Variants in SLC30A7 observed in about 807,000 individuals in gnomAD.
The protein encoded by SLC30A7 is solute carrier family 30 member 7, also known as zinc transporter 7.
A neutral mutation model predicts 46.0 loss-of-function variants in SLC30A7; 35 were observed. The ratio of observed to expected loss-of-function variants is 0.76; its 90% CI spans 0.58 to 1.01. The LOEUF is 1.01. Among genes scored for constraint, SLC30A7 ranks in the 50% least tolerant of loss-of-function variants. The probability of loss-of-function intolerance (pLI) is 0.00; values close to 1 mark genes in which losing one functional copy is unlikely to be tolerated. For missense variants in SLC30A7, 464 were observed against 451.1 expected, an observed-to-expected ratio of 1.03 and a Z score of -0.26; for synonymous variants, 147 against 157.8, an observed-to-expected ratio of 0.93 and a Z score of 0.51.
chr1:100,903,960 TTAA>T (rs1183426834), intron 2 of SLC30A7, among the ~76,000 whole-genome samples: 1 of 152,050 alleles, frequency 6.6e-6, no homozygotes, highest in African/African-American at 2.4e-5. Flanking sequence ...TAGTTAATAA[TTAA>T]TAATGTGATT....
chr1:100,913,647 A>C lies in SLC30A7; in HGVS notation c.512-16A>C. 6.2e-7 allele frequency: 1 copy of C among 1,600,146 alleles called. No homozygotes were observed. Among genetic ancestry groups the C allele is most frequent in the Non-Finnish European group, 8.6e-7 (1 of 1,167,438 alleles). ...ATATTTTTACATACCTTCTGTCCTAACACTTTGTTTTCTAGGCCACGGACA... is the reference window on the plus strand; with the variant it reads ...ATATTTTTACATACCTTCTGTCCTACCACTTTGTTTTCTAGGCCACGGACA... On this transcript the variant is annotated splice_polypyrimidine_tract_variant and intron_variant, in intron 5 of 10. Coordinates refer to ENST00000357650, the MANE Select transcript of SLC30A7 (RefSeq NM_133496.5).
chr1:100,928,091 G>A (rs181311067), intron 8 of SLC30A7, among the ~76,000 whole-genome samples: 1 of 151,974 alleles, frequency 6.6e-6, no homozygotes, highest in Admixed American at 6.6e-5. Context: ...GAGTAGAGGT[G>A]GAAAGATAAT....
chr1:100,970,149 A>G (rs1457655566), intron 10 of SLC30A7, among the ~76,000 whole-genome samples: 1 of 152,162 alleles, frequency 6.6e-6, no homozygotes, highest in African/African-American at 2.4e-5. Flanking sequence ...CTTAGTTCCA[A>G]AATACCAAAA....
chr1:100,917,490 C>T (rs546937122), intron 6 of SLC30A7, among the ~76,000 whole-genome samples: 8 of 152,216 alleles, frequency 5.3e-5, no homozygotes, highest in African/African-American at 1.4e-4. Context: ...AAATATTGCT[C>T]ATCTTTTGCC....
chr1:100,941,294 C>G, intron 8 of SLC30A7: 1 of 383,100 alleles, frequency 2.6e-6, no homozygotes, highest in Non-Finnish European at 5.1e-6. Context: ...ACCAAAGCCA[C>G]CATGACCACT....
At chr1:100,940,490 A>C (rs1420303936) in intron 8 of SLC30A7, among the ~76,000 whole-genome samples, 1 of 152,230 alleles carries the variant, frequency 6.6e-6, no homozygotes, top group Admixed American at 6.5e-5. Context: ...AATAAATTAG[A>C]GTAAGTATTG....
At chr1:100,952,815 A>G (rs1655026442) in intron 8 of SLC30A7, among the ~76,000 whole-genome samples, 1 of 152,192 alleles carries the variant, frequency 6.6e-6, no homozygotes, top group African/African-American at 2.4e-5. Context: ...TTTCACAGCA[A>G]CATACTCGGC....
Position 100,913,757 on chromosome 1 carries a change from T to G in SLC30A7, c.606T>G (p.Ala202=), listed in dbSNP as rs1460166945. 6.2e-7 allele frequency: 1 copy of G among 1,613,876 alleles called. No individual in the cohort carries two copies. Among genetic ancestry groups the G allele is most frequent in the Non-Finnish European group, 8.5e-7 (1 of 1,179,888 alleles). The change falls in exon 6 of 11, where the codon GCT becomes GCG. Residue 202 remains alanine (A), a synonymous_variant. Transcript: ENST00000357650. ...ATAGCCATGAAGTGAAACATGGTGC[T>G]GCACATAGCCATGATCATGCTCATG... The part of the protein sequence containing the change: ...HCHSHEVKHG[A]AHSHDHAHGH...
At chr1:100,927,210 A>G (rs1653362514) in intron 8 of SLC30A7, among the ~76,000 whole-genome samples, 1 of 152,196 alleles carries the variant, frequency 6.6e-6, no homozygotes. Flanking sequence ...TATTTAATAG[A>G]CAGTTTATTC....
At chr1:100,926,802 G>A (rs1041377680) in intron 8 of SLC30A7, among the ~76,000 whole-genome samples, 1 of 152,128 alleles carries the variant, frequency 6.6e-6, no homozygotes, top group South Asian at 2.1e-4. Flanking sequence ...ATTTTAATAG[G>A]GAGACAGTCA....
In SLC30A7 at chr1:100,980,251, CA is replaced by C. The variant is rs1485202038; in HGVS notation, c.*5396del. ...TAGGGAATTATCTTCCCCAAAAGTACAAGTAATTTTGCACTGCAGGAGAAGG... is the reference window on the plus strand; with the variant it reads ...TAGGGAATTATCTTCCCCAAAAGTACAGTAATTTTGCACTGCAGGAGAAGG... On this transcript the variant is annotated 3_prime_UTR_variant, in exon 11 of 11. Coordinates refer to ENST00000357650, the MANE Select transcript of SLC30A7 (RefSeq NM_133496.5). 1.3e-5 allele frequency: 2 copies of C among 152,044 alleles called. No homozygotes were observed. 9.4% of individuals were successfully genotyped at this position (152,044 alleles called of 1,614,324 possible).
intron 10 of SLC30A7, among the ~76,000 whole-genome samples, chr1:100,966,546 A>G (rs1181212070): frequency 6.7e-6 from 1 of 150,088 alleles, no homozygotes; most frequent in Non-Finnish European, 1.5e-5. Context: ...GATCACGGCC[A>G]CTGCACTCCA....
chr1:100,913,931 T>G, intron 6 of SLC30A7, 125 bp downstream of exon 6: 1 of 1,339,928 alleles, frequency 7.5e-7, no homozygotes, highest in South Asian at 1.6e-5. Flanking sequence ...TGAATCAGTC[T>G]AAATGGTTCC....
intron 2 of SLC30A7, among the ~76,000 whole-genome samples, chr1:100,904,798 G>C (rs1367813641): frequency 1.3e-5 from 2 of 152,148 alleles, no homozygotes; most frequent in Admixed American, 1.3e-4. Flanking sequence ...AGTTTATGGT[G>C]AAGGCAGAGG....
rs202199532 is a variant in SLC30A7, at chr1:100,945,067, G to A, written c.843-16761G>A. Among the ~76,000 whole-genome samples, 12 of 152,206 alleles carry A rather than the reference G, an allele frequency of 7.9e-5. No homozygotes were observed. In the South Asian group the frequency reaches 1.2e-3, roughly 16 times the overall value. On this transcript the variant is annotated intron_variant, in intron 8 of 10. Transcript: ENST00000357650. ...ATGATGAGCATTTTTTCATGTGTCC[G>A]TTGGCTGCATAAATGTCTTCTTTTG... is the stretch of plus-strand genomic sequence containing the variant.
chr1:100,961,252 C>T (rs1212544040), intron 8 of SLC30A7, among the ~76,000 whole-genome samples: 8 of 151,996 alleles, frequency 5.3e-5, no homozygotes, highest in African/African-American at 7.2e-5. Context: ...TGAGCCACCG[C>T]GCCCGGCCTG....
intron 3 of SLC30A7, among the ~76,000 whole-genome samples, chr1:100,907,189 T>C (rs1337991118): frequency 6.6e-6 from 1 of 152,216 alleles, no homozygotes; most frequent in Admixed American, 6.5e-5. Flanking sequence ...TCTACAGTAA[T>C]TTGTTGAGAT....
chr1:100,950,095 C>T (rs891798525), intron 8 of SLC30A7, among the ~76,000 whole-genome samples: 10 of 152,202 alleles, frequency 6.6e-5, no homozygotes, highest in South Asian at 2.1e-4. Flanking sequence ...TCTTCTGCGT[C>T]GATCACGCTG....
At chr1:100,992,881 G>A in the SLC30A7 span, 1 of 525,234 alleles carries the variant, frequency 1.9e-6, no homozygotes, top group Admixed American at 3.2e-5. Flanking sequence ...CTCACTTTAA[G>A]CATACACAAA....
Sources: allele counts gnomAD v4.1 joint callset (sites outside exome capture counted in the v4.1 genomes callset), GRCh38; gene constraint gnomAD v4.1.1; transcripts MANE v1.5; gene names NCBI Gene and HGNC (gene_info 2026-07-23, HGNC 2026-07-21).